Variants in NAALADL2 observed in about 807,000 individuals in gnomAD.
The protein encoded by NAALADL2 is N-acetylated alpha-linked acidic dipeptidase like 2.
Under a neutral mutation model 87.2 loss-of-function variants are expected in NAALADL2, and 76 were observed. That is an observed-to-expected ratio of 0.87 (90% CI 0.72 to 1.05). NAALADL2 has a LOEUF of 1.05. Among genes scored for constraint, NAALADL2 ranks in the 50% least tolerant of loss-of-function variants. The pLI is 0.00. For missense variants in NAALADL2, 1,089 were observed against 945.8 expected (o/e 1.15, Z -1.99); for synonymous variants, 354 against 331.0 (o/e 1.07, Z -0.75).
At chr3:175,120,774 C>G (rs554362626) in intron 2 of NAALADL2, among the ~76,000 whole-genome samples, 1 of 151,816 alleles carries the variant, frequency 6.6e-6, no homozygotes, top group Non-Finnish European at 1.5e-5. Context: ...AAACCCCAAA[C>G]AAAACTTCAG....
rs1739271168 is a variant in NAALADL2 at position 175,197,972 on chromosome 3, T to C, written c.546-35959T>C. Among the ~76,000 whole-genome samples, 6 of 152,230 alleles carry C rather than the reference T, an allele frequency of 3.9e-5. No homozygotes were observed. In the South Asian group the frequency reaches 1.2e-3, roughly 32 times the overall value. On this transcript the variant is annotated intron_variant, in intron 2 of 13. Coordinates refer to ENST00000454872, the MANE Select transcript of NAALADL2 (RefSeq NM_207015.3). ...GTGGGAAAGTACAGTACTTTCTTTT[T>C]TAAAAATATAAATATCTAATCTGTT...
chr3:175,057,561 A>G (rs544038713), intron 1 of NAALADL2, among the ~76,000 whole-genome samples: 38 of 152,296 alleles, frequency 2.5e-4, no homozygotes, highest in South Asian at 2.1e-4. Context: ...CATCTGGGGA[A>G]CAGACTGTTG....
chr3:174,800,204 T>C (rs9840559), intron 3 of NAALADL2, among the ~76,000 whole-genome samples: 49,540 of 151,968 alleles, frequency 0.33, 8,396 homozygotes, highest in Admixed American at 0.37. Flanking sequence ...TGAATGTTAA[T>C]CACCAAGACG....
intron 3 of NAALADL2, among the ~76,000 whole-genome samples, chr3:175,238,096 TGA>T (rs1426533275): frequency 1.3e-5 from 2 of 152,164 alleles, no homozygotes; most frequent in Non-Finnish European, 2.9e-5. Flanking sequence ...ACCATATCTC[TGA>T]GAGTTTTCTA....
In NAALADL2 at chr3:175,081,620, C is replaced by T. The variant is rs866410577; in HGVS notation, c.44-15170C>T. 2.0e-5 allele frequency among the ~76,000 whole-genome samples: 3 copies of T among 152,290 alleles called. No homozygotes were observed. In the Middle Eastern group the frequency reaches 0.01, roughly 518 times the overall value. Reference sequence around the variant, plus strand: ...AGGGAGATCACTTCACTGACTCCTACATATCAATGCATATTCCCACCAGCT... The same window carrying T: ...AGGGAGATCACTTCACTGACTCCTATATATCAATGCATATTCCCACCAGCT... On this transcript the variant is annotated intron_variant, in intron 1 of 13. Coordinates refer to ENST00000454872, the MANE Select transcript of NAALADL2 (RefSeq NM_207015.3).
At chr3:175,574,912 C>G (rs1463854517) in intron 9 of NAALADL2, among the ~76,000 whole-genome samples, 1 of 152,112 alleles carries the variant, frequency 6.6e-6, no homozygotes, top group Non-Finnish European at 1.5e-5. Flanking sequence ...TACTTATTGT[C>G]TCATTTTCTC....
At chr3:175,631,622 A>G (rs1443350349) in intron 11 of NAALADL2, among the ~76,000 whole-genome samples, 2 of 151,974 alleles carry the variant, frequency 1.3e-5, no homozygotes, top group Non-Finnish European at 2.9e-5. Flanking sequence ...GAAGGGCAAT[A>G]CATGCTGCAT....
chr3:175,155,115 T>A (rs1345258344), intron 2 of NAALADL2, among the ~76,000 whole-genome samples: 1 of 152,088 alleles, frequency 6.6e-6, no homozygotes, highest in East Asian at 1.9e-4. Flanking sequence ...ACTCTAGCTG[T>A]GTGTAACAAA....
chr3:174,756,122 G>A (rs913530724), intron 3 of NAALADL2, among the ~76,000 whole-genome samples: 3 of 152,182 alleles, frequency 2.0e-5, no homozygotes, highest in Non-Finnish European at 4.4e-5. Flanking sequence ...TCTGTATTAC[G>A]TACAATGATT....
At chr3:175,012,333 A>AT (rs61108188) in intron 1 of NAALADL2, among the ~76,000 whole-genome samples, 1 of 151,318 alleles carries the variant, frequency 6.6e-6, no homozygotes. Flanking sequence ...CCTGGCTAAT[A>AT]TTTTTTTTAT....
intron 1 of NAALADL2, among the ~76,000 whole-genome samples, chr3:174,452,653 GA>G (rs966729909): frequency 6.6e-5 from 10 of 152,002 alleles, no homozygotes; most frequent in African/African-American, 2.2e-4. Context: ...CACAGTCCAG[GA>G]ATTGAGAGCT....
chr3:175,692,700 G>A (rs796656261), intron 11 of NAALADL2, among the ~76,000 whole-genome samples: 8 of 152,280 alleles, frequency 5.3e-5, no homozygotes, highest in African/African-American at 1.9e-4. Flanking sequence ...GTCAAGCTTA[G>A]GGTGCAGCTG....
At chr3:174,898,092 G>A (rs1364134694) in intron 1 of NAALADL2, among the ~76,000 whole-genome samples, 4 of 92,948 alleles carry the variant, frequency 4.3e-5, no homozygotes, top group Admixed American at 1.9e-4. Context: ...CAGCCTGGGT[G>A]ACAGAGCGAG....
intron 11 of NAALADL2, chr3:175,718,102 A>G: frequency 1.3e-6 from 1 of 758,836 alleles, no homozygotes; most frequent in Non-Finnish European, 2.0e-6. Context: ...CCTTTCCAGT[A>G]CTTTGAGGTC....
intron 5 of NAALADL2, among the ~76,000 whole-genome samples, chr3:175,399,204 A>G (rs1581730606): frequency 6.6e-6 from 1 of 152,128 alleles, no homozygotes; most frequent in Non-Finnish European, 1.5e-5. Context: ...AAGAATTAAT[A>G]TTACTGACTT....
At chr3:175,126,380 C>T (rs1302527610) in intron 2 of NAALADL2, among the ~76,000 whole-genome samples, 1 of 152,094 alleles carries the variant, frequency 6.6e-6, no homozygotes, top group Non-Finnish European at 1.5e-5. Flanking sequence ...GTTCTGGGAT[C>T]AGCTGAGCTG....
At chr3:175,458,449 TCAA>T (rs58420003) in intron 6 of NAALADL2, among the ~76,000 whole-genome samples, 1,863 of 146,918 alleles carry the variant, frequency 0.013, 29 homozygotes, top group African/African-American at 0.043. Flanking sequence ...ATATATACAA[TCAA>T]CAACATATAT....
intron 1 of NAALADL2, among the ~76,000 whole-genome samples, chr3:174,492,115 C>G (rs987006076): frequency 1.3e-5 from 2 of 151,732 alleles, no homozygotes; most frequent in Admixed American, 6.6e-5. Flanking sequence ...ATTAAAAATA[C>G]AAAAATTAGC....
chr3:175,403,409 G>A (rs1711713035), intron 5 of NAALADL2, among the ~76,000 whole-genome samples: 1 of 152,060 alleles, frequency 6.6e-6, no homozygotes, highest in Non-Finnish European at 1.5e-5. Context: ...GATCAATATG[G>A]TGTGGATATT....
Sources: allele counts gnomAD v4.1 joint callset (sites outside exome capture counted in the v4.1 genomes callset), GRCh38; gene constraint gnomAD v4.1.1; transcripts MANE v1.5; gene names NCBI Gene and HGNC (gene_info 2026-07-23, HGNC 2026-07-21).